GSTCD: variants seen among roughly 807,000 people sequenced by gnomAD.
GSTCD encodes glutathione S-transferase C-terminal domain containing.
In GSTCD, 44 loss-of-function variants were observed where a neutral mutation model predicts 68.3. That is an observed-to-expected ratio of 0.64 (90% confidence interval 0.51 to 0.83). The LOEUF is 0.83. GSTCD is among the 40% of genes least tolerant of loss of function. GSTCD has a pLI of 0.00. For synonymous variants in GSTCD, 273 were observed against 255.2 expected, an observed-to-expected ratio of 1.07 and a Z score of -0.67; for missense variants, 739 against 735.9, an observed-to-expected ratio of 1.00 and a Z score of -0.05.
chr4:105,721,269 T>C (rs567762280), intron 3 of GSTCD, among the ~76,000 whole-genome samples: 23 of 152,306 alleles, frequency 1.5e-4, no homozygotes, highest in Admixed American at 3.3e-4. Context: ...TTGATATTTG[T>C]TATATTTTTC....
At chr4:105,750,108 T>C (rs1373065782) in intron 5 of GSTCD, among the ~76,000 whole-genome samples, 3 of 152,022 alleles carry the variant, frequency 2.0e-5, no homozygotes, top group Admixed American at 2.0e-4. Context: ...ATCAGGGAAA[T>C]GTAAATTTAA....
chr4:105,733,893 ATC>A (rs1733351075), intron 5 of GSTCD, among the ~76,000 whole-genome samples: 1 of 152,198 alleles, frequency 6.6e-6, no homozygotes, highest in Non-Finnish European at 1.5e-5. Context: ...TGGTGACAAA[ATC>A]TCTCAGCATT....
chr4:105,825,857 C>T, intron 8 of GSTCD, 57 bp downstream of exon 8: 2 of 1,026,684 alleles, frequency 1.9e-6, no homozygotes, highest in Non-Finnish European at 2.9e-6. Flanking sequence ...AAATTACATG[C>T]CTTAGAGTAA....
At chr4:105,772,103 C>A (rs1490947231) in intron 5 of GSTCD, among the ~76,000 whole-genome samples, 1 of 152,078 alleles carries the variant, frequency 6.6e-6, no homozygotes, top group Non-Finnish European at 1.5e-5. Context: ...AAGTTGTATT[C>A]CTAGGTATTT....
At chr4:105,727,840 G>A (rs1197218503) in intron 4 of GSTCD, among the ~76,000 whole-genome samples, 1 of 152,136 alleles carries the variant, frequency 6.6e-6, no homozygotes, top group African/African-American at 2.4e-5. Flanking sequence ...TTTAATAGGT[G>A]ATGTGAGGAT....
intron 8 of GSTCD, among the ~76,000 whole-genome samples, chr4:105,832,084 A>C (rs1323992071): frequency 6.6e-6 from 1 of 152,198 alleles, no homozygotes; most frequent in Admixed American, 6.5e-5. Context: ...TTGCATTTTA[A>C]ATCTCTAATG....
chr4:105,787,912 A>T (rs1428927729), intron 5 of GSTCD, among the ~76,000 whole-genome samples: 6 of 152,126 alleles, frequency 3.9e-5, no homozygotes, highest in Non-Finnish European at 5.9e-5. Flanking sequence ...CCATTAGAAC[A>T]TCATAACCTT....
Position 105,823,217 on chromosome 4 carries a change from A to G in GSTCD, c.1357-14A>G, listed in dbSNP as rs781339446. ...GGACCAAAGCTAACTTGTTTGTCTT[A>G]CTGACTTTTTCAGGGCCATGTTGGA... On this transcript the variant is annotated splice_polypyrimidine_tract_variant and intron_variant, in intron 6 of 11. Transcript: ENST00000515279. 6.2e-7 allele frequency: 1 copy of G among 1,613,138 alleles called. No individual in the cohort carries two copies. Among genetic ancestry groups the G allele is most frequent in the East Asian group, 2.2e-5 (1 of 44,886 alleles).
chr4:105,714,941 C>G (rs1458051969), intron 1 of GSTCD, among the ~76,000 whole-genome samples: 1 of 152,114 alleles, frequency 6.6e-6, no homozygotes, highest in Non-Finnish European at 1.5e-5. Flanking sequence ...AAGAATATTT[C>G]TACATATCTT....
At chr4:105,757,236 T>A (rs1734231323) in intron 5 of GSTCD, among the ~76,000 whole-genome samples, 1 of 152,200 alleles carries the variant, frequency 6.6e-6, no homozygotes, top group Non-Finnish European at 1.5e-5. Flanking sequence ...AGTCATTGCT[T>A]ATGAGGCTTA....
At chr4:105,834,317 A>T in intron 8 of GSTCD, 144 bp from the exon 9 acceptor site, 1 of 634,692 alleles carries the variant, frequency 1.6e-6, no homozygotes, top group Admixed American at 2.9e-5. Flanking sequence ...GCAACCTTTC[A>T]AACTTGCTTA....
chr4:105,761,021 T>C, intron 5 of GSTCD: 1 of 242,320 alleles, frequency 4.1e-6, no homozygotes. Flanking sequence ...TTTTTTTTTT[T>C]GAGATGGAGT....
intron 5 of GSTCD, among the ~76,000 whole-genome samples, chr4:105,757,051 A>G (rs1188899267): frequency 1.3e-5 from 2 of 152,160 alleles, no homozygotes; most frequent in East Asian, 1.9e-4. Context: ...AAGGGACTGG[A>G]GTTTGGCCAT....
chr4:105,775,156 C>T (rs924582890), intron 5 of GSTCD, among the ~76,000 whole-genome samples: 7 of 152,092 alleles, frequency 4.6e-5, no homozygotes, highest in African/African-American at 1.7e-4. Context: ...GCTATTGATA[C>T]TTTTTTATGC....
intron 4 of GSTCD, among the ~76,000 whole-genome samples, chr4:105,727,088 CTT>C (rs5860809): frequency 6.5e-5 from 9 of 138,054 alleles, no homozygotes; most frequent in Non-Finnish European, 6.2e-5. Context: ...TTTCTCAAAA[CTT>C]TTTTTTTTTT....
intron 5 of GSTCD, among the ~76,000 whole-genome samples, chr4:105,773,640 T>A (rs1483263283): frequency 6.6e-6 from 1 of 152,194 alleles, no homozygotes; most frequent in Non-Finnish European, 1.5e-5. Context: ...CAGGAGCAGG[T>A]TGTTCAGTTT....
Position 105,730,862 on chromosome 4 carries a change from T to C in GSTCD, c.1240+1363T>C, listed in dbSNP as rs936182254. 2.6e-5 allele frequency among the ~76,000 whole-genome samples: 4 copies of C among 152,228 alleles called. No individual in the cohort carries two copies. The East Asian group carries it at 7.7e-4, about 29-fold the overall frequency. On this transcript the variant is annotated intron_variant, in intron 5 of 11. Transcript: ENST00000515279. ...TATTGCCTAGGTTTTCTTCTAGGGT[T>C]TTTATGGTTTTAGGTCTAAGATTTA...
intron 5 of GSTCD, among the ~76,000 whole-genome samples, chr4:105,811,058 G>GA (rs1722726860): frequency 6.6e-6 from 1 of 152,126 alleles, no homozygotes; most frequent in African/African-American, 2.4e-5. Flanking sequence ...AAGATAATTA[G>GA]ATAGTAAAAA....
At chr4:105,841,564 G>A (rs552916905) in intron 10 of GSTCD, among the ~76,000 whole-genome samples, 28 of 152,168 alleles carry the variant, frequency 1.8e-4, no homozygotes, top group Admixed American at 1.1e-3. Flanking sequence ...GCTGGGCATG[G>A]TGGCTCATAC....
Sources: gnomAD v4.1 joint callset for allele counts (sites outside exome capture counted in the v4.1 genomes callset) on GRCh38, gnomAD v4.1.1 for gene constraint, MANE v1.5 for transcripts, NCBI Gene and HGNC (gene_info 2026-07-23, HGNC 2026-07-21) for gene names.